Variants in SOST observed in about 807,000 individuals in gnomAD.
SOST encodes the protein sclerostin, also known as sclerosteosis.
In SOST, 14 loss-of-function variants were observed where a neutral mutation model predicts 16.7. The observed-to-expected ratio is 0.84, with a 90% confidence interval of 0.55 to 1.31. The LOEUF is 1.31. Among genes scored for constraint, SOST ranks in the 50% most tolerant of loss-of-function variants. SOST has a pLI of 0.00. For synonymous variants in SOST, 150 were observed against 140.9 expected (o/e 1.06, Z -0.46); for missense variants, 291 against 310.7 (o/e 0.94, Z 0.48).
At position 43,755,627 on chromosome 17, in the gene SOST, G is replaced by T; in HGVS notation, c.357C>A (p.Ile119=). Residue 119 remains isoleucine (I), a synonymous_variant, in exon 2 of 2, where the codon ATC becomes ATA. Transcript: ENST00000301691. The surrounding 1 kb of genome is among the most constrained non-coding windows in gnomAD (Gnocchi z 4.3). ...TAGGTCGCCACCACTTGCCGCGGCCGATGGCGTTGGGCAGCAGGCGCGCCG... is the reference window on the plus strand; with the variant it reads ...TAGGTCGCCACCACTTGCCGCGGCCTATGGCGTTGGGCAGCAGGCGCGCCG... ...CGPARLLPNA[I]GRGKWWRPSG... The T allele has an allele frequency of 6.3e-7, 1 of 1,581,838 alleles. No homozygotes were observed. The highest frequency in any genetic ancestry group is 8.5e-7 in the Non-Finnish European group (1 of 1,170,948).
In SOST at chr17:43,755,821, C is replaced by G; in HGVS notation, c.221-58G>C. ...CCGCCTGGCCACCCCTGCCCTGGAC[C>G]GGCCCGTCTCTCTCCACCCCAGCCC... On this transcript the variant is annotated intron_variant, in intron 1 of 1. Coordinates refer to ENST00000301691, the MANE Select transcript of SOST (RefSeq NM_025237.3). This position sits in a 1 kb window ranked among gnomAD's most constrained non-coding sequence, Gnocchi z 4.3. 2 of 1,519,516 alleles carry G rather than the reference C, an allele frequency of 1.3e-6. No homozygotes were observed. The highest frequency in any genetic ancestry group is 1.8e-6 in the Non-Finnish European group (2 of 1,136,550). The allele number at this position is 1,519,516 out of a possible 1,614,324, so 94.1% of individuals were successfully genotyped here.
chr17:43,756,988 A>G (rs1479005234), intron 1 of SOST, among the ~76,000 whole-genome samples: 1 of 152,172 alleles, frequency 6.6e-6, no homozygotes, highest in Non-Finnish European at 1.5e-5. Flanking sequence ...GAGAGGGGAC[A>G]GAGAAGGCCA....
chr17:43,758,438 C>G (rs1974154254), intron 1 of SOST, 84 bp downstream of exon 1: 5 of 1,095,692 alleles, frequency 4.6e-6, no homozygotes. Flanking sequence ...ACTGGGTCTA[C>G]CCCAGTCTTC....
At position 43,755,074 on chromosome 17, in the gene SOST, T is replaced by C. The variant is rs904229135; in HGVS notation, c.*268A>G. 6 of 451,552 alleles carry C rather than the reference T, an allele frequency of 1.3e-5. No individual in the cohort carries two copies. Among genetic ancestry groups the C allele is most frequent in the African/African-American group, 1.2e-4 (6 of 48,232 alleles). The allele number at this position is 451,552 out of a possible 1,614,324, so 28.0% of individuals were successfully genotyped here. On this transcript the variant is annotated 3_prime_UTR_variant, in exon 2 of 2. Transcript: ENST00000301691. This position sits in a 1 kb window ranked among gnomAD's most constrained non-coding sequence, Gnocchi z 4.3. ...TCCTCTGAAGTGGGACCAGCAAAGG[T>C]AGGCGGCCCCAGAGGCGGGGCTGCG...
rs1180615078 is a variant in SOST at position 43,755,274 on chromosome 17, A to G, written c.*68T>C. 1 of 1,370,656 alleles carries G rather than the reference A, an allele frequency of 7.3e-7. No individual in the cohort carries two copies. Among genetic ancestry groups the G allele is most frequent in the Admixed American group, 2.7e-5 (1 of 36,762 alleles). 84.9% of individuals were successfully genotyped at this position (1,370,656 alleles called of 1,614,324 possible). A position where few individuals can be genotyped will look rare whatever the true frequency, so the allele number is the denominator to read the frequency against. On this transcript the variant is annotated 3_prime_UTR_variant, in exon 2 of 2. Coordinates refer to ENST00000301691, the MANE Select transcript of SOST (RefSeq NM_025237.3). The surrounding 1 kb of genome is among the most constrained non-coding windows in gnomAD (Gnocchi z 4.3). ...ATATAAACAATCAAACCACGCGCAG[A>G]GGACAGAAATGTGGGGCGCGGGTTC...
rs1974126032 is a variant in SOST at position 43,755,917 on chromosome 17, T to C, written c.221-154A>G. ...TATTGCAGGAAGGTCCCAGATGCTCTAGAGCTGGTGGAAAGCTCTCCTGCG... is the reference window on the plus strand; with the variant it reads ...TATTGCAGGAAGGTCCCAGATGCTCCAGAGCTGGTGGAAAGCTCTCCTGCG... On this transcript the variant is annotated intron_variant, in intron 1 of 1. Coordinates refer to ENST00000301691, the MANE Select transcript of SOST (RefSeq NM_025237.3). This position sits in a 1 kb window ranked among gnomAD's most constrained non-coding sequence, Gnocchi z 4.3. 1.3e-5 allele frequency among the ~76,000 whole-genome samples: 2 copies of C among 152,222 alleles called. No individual in the cohort carries two copies. The highest frequency in any genetic ancestry group is 1.3e-4 in the Admixed American group (2 of 15,288).
Position 43,755,771 on chromosome 17 carries a change from G to A in SOST, c.221-8C>T. ...AGCTGTACTCGGACACGTCTGTGGA[G>A]AGAGGCGCGCGTGAGGGTGGCCGCC... On this transcript the variant is annotated splice_region_variant and splice_polypyrimidine_tract_variant and intron_variant, in intron 1 of 1. Coordinates refer to ENST00000301691, the MANE Select transcript of SOST (RefSeq NM_025237.3). This position sits in a 1 kb window ranked among gnomAD's most constrained non-coding sequence, Gnocchi z 4.3. The A allele has an allele frequency of 6.3e-7, 1 of 1,575,400 alleles. No individual in the cohort carries two copies. Among genetic ancestry groups the A allele is most frequent in the East Asian group, 2.3e-5 (1 of 43,350 alleles).
In SOST at chr17:43,755,318, G is replaced by A. The variant is rs765528807; in HGVS notation, c.*24C>T. 6 of 1,524,586 alleles carry A rather than the reference G, an allele frequency of 3.9e-6. No individual in the cohort carries two copies. Among genetic ancestry groups the A allele is most frequent in the Non-Finnish European group, 4.3e-6 (5 of 1,150,026 alleles). The allele number at this position is 1,524,586 out of a possible 1,614,324, so 94.4% of individuals were successfully genotyped here. A position where few individuals can be genotyped will look rare whatever the true frequency, so the allele number is the denominator to read the frequency against. On this transcript the variant is annotated 3_prime_UTR_variant, in exon 2 of 2. Transcript: ENST00000301691. The surrounding 1 kb of genome is among the most constrained non-coding windows in gnomAD (Gnocchi z 4.3). The stretch of plus-strand genomic sequence containing the variant: ...CGGGTTCAGGGCCGGGGCGCCCGCC[G>A]GTGGGGAGGGGCGCGGGCGGGCTCT...
In SOST at chr17:43,755,681, G is replaced by A. The variant is rs758794256; in HGVS notation, c.303C>T (p.Thr101=). The A allele has an allele frequency of 3.8e-6, 6 of 1,568,026 alleles. No homozygotes were observed. In the East Asian group the frequency reaches 7.0e-5, roughly 18 times the overall value. ...CGCACTGGCCGGAGCACACCAGCTC[G>A]GTGACCGGCTTGGCGCTGCGGCACG... The part of the protein sequence containing the change: ...DGPCRSAKPV[T]ELVCSGQCGP... The change falls in exon 2 of 2, where the codon ACC becomes ACT. Residue 101 remains threonine (T), a synonymous_variant. Coordinates refer to ENST00000301691, the MANE Select transcript of SOST (RefSeq NM_025237.3). The surrounding 1 kb of genome is among the most constrained non-coding windows in gnomAD (Gnocchi z 4.3).
rs752678713 is a variant in SOST, at chr17:43,755,997, T to C, written c.221-234A>G. On this transcript the variant is annotated intron_variant, in intron 1 of 1. Transcript: ENST00000301691. This position sits in a 1 kb window ranked among gnomAD's most constrained non-coding sequence, Gnocchi z 4.3. ...CTGGGGTTCAAACACCAGGGCTCCA[T>C]CGCTCACTGCAGGTGTCATCTTGGG... Among the ~76,000 whole-genome samples the C allele has an allele frequency of 1.3e-5, 2 of 152,258 alleles. No individual in the cohort carries two copies. Among genetic ancestry groups the C allele is most frequent in the Admixed American group, 6.5e-5 (1 of 15,288 alleles).
Position 43,758,715 on chromosome 17 carries a change from G to A in SOST, c.27C>T (p.Leu9=), listed in dbSNP as rs751863307. 11 of 1,613,676 alleles carry A rather than the reference G, an allele frequency of 6.8e-6. No homozygotes were observed. The highest frequency in any genetic ancestry group is 1.7e-4 in the Middle Eastern group (1 of 5,824). MQLPLALC[L]VCLLVHTAFR... ...AGGCTGTGTGTACCAGCAGGCAGAC[G>A]AGACACAGGGCCAGTGGGAGCTGCA... Residue 9 remains leucine, a synonymous_variant, in exon 1 of 2, where the codon CTC becomes CTT. Transcript: ENST00000301691.
Sources: allele counts gnomAD v4.1 joint callset (sites outside exome capture counted in the v4.1 genomes callset), GRCh38; gene constraint gnomAD v4.1.1; non-coding constraint Gnocchi (gnomAD v3.1); transcripts MANE v1.5; gene names NCBI Gene and HGNC (gene_info 2026-07-23, HGNC 2026-07-21).